Variants in LARGE1 observed in about 807,000 individuals in gnomAD.
LARGE1 encodes xylosyl- and glucuronyltransferase LARGE1.
In LARGE1, 43 loss-of-function variants were observed where a neutral mutation model predicts 87.6. That is an observed-to-expected ratio of 0.49 (90% CI 0.38 to 0.63). The LOEUF (loss-of-function observed/expected upper bound fraction) is 0.63. Among genes scored for constraint, LARGE1 ranks in the 30% least tolerant of loss-of-function variants. The pLI, the probability that LARGE1 is intolerant of heterozygous loss-of-function variation, is 0.00. For missense variants in LARGE1, 802 were observed against 1,000.2 expected (o/e 0.80, Z 2.67); for synonymous variants, 434 against 394.6 (o/e 1.10, Z -1.18).
In LARGE1 at chr22:33,466,681, CCT is replaced by C. The variant is rs796724256; in HGVS notation, c.788-34418_788-34417del. Among the ~76,000 whole-genome samples the C allele has an allele frequency of 5.6e-4, 80 of 142,038 alleles. 1 individual carries two copies. Among genetic ancestry groups the C allele is most frequent in the Admixed American group, 2.2e-3 (32 of 14,398 alleles). 93.2% of individuals were successfully genotyped at this position (142,038 alleles called of 152,430 possible). ...TAATGAGCCCTGGCCTCATTCACCC[CCT>C]CTCTCTCTCTACACACACACACACA... On this transcript the variant is annotated intron_variant, in intron 6 of 14. Coordinates refer to ENST00000397394, the MANE Select transcript of LARGE1 (RefSeq NM_133642.5).
intron 4 of LARGE1, among the ~76,000 whole-genome samples, chr22:33,608,742 G>A (rs183198116): frequency 6.6e-6 from 1 of 152,296 alleles, no homozygotes; most frequent in East Asian, 1.9e-4. Flanking sequence ...AGAGTTCGGA[G>A]TTTGGACTAT....
chr22:33,350,834 C>T (rs1940302650), intron 9 of LARGE1, among the ~76,000 whole-genome samples: 1 of 152,218 alleles, frequency 6.6e-6, no homozygotes, highest in Admixed American at 6.5e-5. Context: ...CAGACACGGA[C>T]TCCAGCTGAC....
intron 11 of LARGE1, among the ~76,000 whole-genome samples, chr22:33,171,685 A>G (rs762531252): frequency 3.9e-5 from 6 of 152,206 alleles, no homozygotes; most frequent in Non-Finnish European, 7.3e-5. Flanking sequence ...TGCGCAGAAG[A>G]TAAGAGCTGA....
Position 33,696,575 on chromosome 22 carries a change from C to A in LARGE1, c.107-45907G>T, listed in dbSNP as rs147411092. On this transcript the variant is annotated intron_variant, in intron 2 of 14. Transcript: ENST00000397394. Reference sequence around the variant, plus strand: ...TTCAGTTTTATAGGAAATCAGCAGACCTTTCTTTAAAGGGGATGAACCATT... The same window carrying A: ...TTCAGTTTTATAGGAAATCAGCAGAACTTTCTTTAAAGGGGATGAACCATT... 2.3e-3 allele frequency among the ~76,000 whole-genome samples: 346 copies of A among 152,196 alleles called. 6 individuals carry two copies. The highest frequency in any genetic ancestry group is 0.01 in the Middle Eastern group (3 of 294).
intron 11 of LARGE1, among the ~76,000 whole-genome samples, chr22:33,183,003 A>C (rs568704493): frequency 9.8e-5 from 15 of 152,304 alleles, no homozygotes; most frequent in African/African-American, 3.4e-4. Context: ...CAGTGTAGGA[A>C]ACAGTCGACA....
chr22:33,243,201 A>C (rs1206921090), intron 11 of LARGE1, among the ~76,000 whole-genome samples: 1 of 152,246 alleles, frequency 6.6e-6, no homozygotes, highest in Non-Finnish European at 1.5e-5. Flanking sequence ...AACCATTGAA[A>C]ACTTTAAATA....
intron 1 of LARGE1, among the ~76,000 whole-genome samples, chr22:33,774,168 T>G (rs988756074): frequency 9.9e-5 from 15 of 152,174 alleles, no homozygotes; most frequent in African/African-American, 3.6e-4. Context: ...TATCCATTTT[T>G]CAAAAGAGAC....
At chr22:33,206,235 C>T (rs1031203458) in intron 11 of LARGE1, among the ~76,000 whole-genome samples, 7 of 152,072 alleles carry the variant, frequency 4.6e-5, no homozygotes, top group African/African-American at 7.2e-5. Flanking sequence ...GGATTACAGG[C>T]GTGAGCCACT....
intron 10 of LARGE1, among the ~76,000 whole-genome samples, chr22:33,319,925 A>G (rs1026988831): frequency 3.9e-5 from 6 of 152,188 alleles, no homozygotes; most frequent in African/African-American, 1.4e-4. Context: ...AGCTTGGGAA[A>G]CTGGCTGAGA....
rs562972200 is a variant in LARGE1 at position 33,597,375 on chromosome 22, T to C, written c.615+7060A>G. 1.7e-4 allele frequency among the ~76,000 whole-genome samples: 26 copies of C among 151,114 alleles called. No individual in the cohort carries two copies. In the South Asian group the frequency reaches 4.2e-3, roughly 24 times the overall value. ...CTCTTCAGTCTCTCCCAGAAGAAAA[T>C]GTCCAGTATTCAGGAAGCATAGCTT... On this transcript the variant is annotated intron_variant, in intron 5 of 14. Transcript: ENST00000397394.
intron 1 of LARGE1, among the ~76,000 whole-genome samples, chr22:33,796,119 T>C (rs1375509748): frequency 6.6e-6 from 1 of 152,196 alleles, no homozygotes; most frequent in African/African-American, 2.4e-5. Flanking sequence ...AGTTTCTTCA[T>C]GTGTAAAATG....
chr22:33,456,027 T>C (rs921857559), intron 6 of LARGE1, among the ~76,000 whole-genome samples: 11 of 152,170 alleles, frequency 7.2e-5, no homozygotes, highest in Non-Finnish European at 1.5e-5. Context: ...CAGCAATGAT[T>C]TGTCTGTACA....
At chr22:33,309,565 C>G (rs375161604) in intron 11 of LARGE1, among the ~76,000 whole-genome samples, 1 of 152,206 alleles carries the variant, frequency 6.6e-6, no homozygotes. Context: ...AGTGCCCCCT[C>G]GCCAGACACC....
chr22:33,550,142 T>TACACACACACAC (rs5845093), intron 6 of LARGE1, among the ~76,000 whole-genome samples: 237 of 142,312 alleles, frequency 1.7e-3, no homozygotes, highest in Middle Eastern at 3.5e-3. Flanking sequence ...ACTTAAAGTA[T>TACACACACACAC]ACACACACAC....
intron 9 of LARGE1, among the ~76,000 whole-genome samples, chr22:33,379,159 T>G (rs1049226430): frequency 8.2e-5 from 12 of 146,546 alleles, no homozygotes; most frequent in African/African-American, 3.1e-4. Context: ...CCATGGAACT[T>G]TCAGTGGGGA....
chr22:33,873,459 G>C (rs5754730), intron 1 of LARGE1: 127,621 of 152,248 alleles, frequency 0.84, 53,603 homozygotes, highest in African/African-American at 0.89. Flanking sequence ...AGGCCGTGTC[G>C]CTCCTGGGGC....
chr22:33,544,938 G>GA (rs2077314075), intron 6 of LARGE1, among the ~76,000 whole-genome samples: 1 of 152,156 alleles, frequency 6.6e-6, no homozygotes, highest in African/African-American at 2.4e-5. Flanking sequence ...CAAGCAAGGA[G>GA]AGATATGGTG....
intron 6 of LARGE1, among the ~76,000 whole-genome samples, chr22:33,537,023 C>T (rs1358873367): frequency 6.6e-6 from 1 of 152,218 alleles, no homozygotes; most frequent in African/African-American, 2.4e-5. Flanking sequence ...GCTGGTCAGG[C>T]TGGTCTCAGA....
At chr22:33,177,916 T>A (rs78882095) in intron 11 of LARGE1, among the ~76,000 whole-genome samples, 12,276 of 152,224 alleles carry the variant, frequency 0.081, 635 homozygotes, top group Middle Eastern at 0.19. Flanking sequence ...TCACAAGATC[T>A]GTGCTTGAAA....
Sources: gnomAD v4.1 joint callset for allele counts (sites outside exome capture counted in the v4.1 genomes callset) on GRCh38, gnomAD v4.1.1 for gene constraint, MANE v1.5 for transcripts, NCBI Gene and HGNC (gene_info 2026-07-23, HGNC 2026-07-21) for gene names.